The following IL1RAPL2 variants were observed in gnomAD, a reference collection of about 807,000 sequenced individuals.
IL1RAPL2 encodes interleukin 1 receptor accessory protein like 2, also known as X-linked interleukin-1 receptor accessory protein-like 2.
IL1RAPL2 carries 3 observed loss-of-function variants against 44.1 expected under a neutral mutation model. The observed-to-expected ratio is 0.07, with a 90% CI of 0.03 to 0.18. The LOEUF (loss-of-function observed/expected upper bound fraction) is 0.18, where lower values mean the gene tolerates loss of function less well. IL1RAPL2 is among the 10% of genes least tolerant of loss of function. IL1RAPL2 has a pLI of 1.00. For missense variants in IL1RAPL2, 391 were observed against 496.4 expected, an observed-to-expected ratio of 0.79 and a Z score of 2.02; for synonymous variants, 181 against 178.8, an observed-to-expected ratio of 1.01 and a Z score of -0.10.
rs757471550 is a variant in IL1RAPL2, at chrX:104,918,709, ATAAAAT to A, written c.82+259718_82+259723del. Among the ~76,000 whole-genome samples, 11 of 112,246 alleles carry A rather than the reference ATAAAAT, an allele frequency of 9.8e-5. 1 individual carries two copies. The South Asian group carries it at 3.7e-3, about 38-fold the overall frequency. On this transcript the variant is annotated intron_variant, in intron 2 of 10. Transcript: ENST00000372582. ...TCTGACTAGTAATTCTCAATATGAA[ATAAAAT>A]TAATAGAGGACAAAATGGAGTAAAA...
intron 6 of IL1RAPL2, among the ~76,000 whole-genome samples, chrX:105,533,767 A>T (rs1161078635): frequency 8.9e-6 from 1 of 112,199 alleles, no homozygotes; most frequent in Non-Finnish European, 1.9e-5. Context: ...AAATTGTTGC[A>T]TATATTAATA....
chrX:105,503,056 G>T (rs2036406991), intron 6 of IL1RAPL2, among the ~76,000 whole-genome samples: 1 of 110,228 alleles, frequency 9.1e-6, no homozygotes, highest in African/African-American at 3.3e-5. Flanking sequence ...CATTTTTCTT[G>T]GAATTTTGCA....
At chrX:104,940,715 A>G (rs1328392231) in intron 2 of IL1RAPL2, among the ~76,000 whole-genome samples, 5 of 106,946 alleles carry the variant, frequency 4.7e-5, no homozygotes, top group Non-Finnish European at 9.6e-5. Context: ...TTTTTTTTAC[A>G]TTGATTTTTT....
At chrX:105,465,433 T>A (rs2036121169) in intron 5 of IL1RAPL2, among the ~76,000 whole-genome samples, 1 of 112,214 alleles carries the variant, frequency 8.9e-6, no homozygotes, top group Non-Finnish European at 1.9e-5. Flanking sequence ...ATTTTAGATT[T>A]TGAGAGCCAG....
chrX:105,550,977 A>G (rs2036848610), intron 6 of IL1RAPL2, among the ~76,000 whole-genome samples: 1 of 111,763 alleles, frequency 8.9e-6, no homozygotes, highest in South Asian at 3.7e-4. Flanking sequence ...ATACATACAT[A>G]CATATGTGAC....
rs1437989025 is a variant in IL1RAPL2, at chrX:105,290,465, G to A, written c.697+22924G>A. Among the ~76,000 whole-genome samples the A allele has an allele frequency of 2.7e-5, 3 of 111,321 alleles. No individual in the cohort carries two copies. The East Asian group carries it at 8.5e-4, about 32-fold the overall frequency. Reference sequence around the variant, plus strand: ...GAGTAAAGGTCCACTAAACAAAAGTGCAACTTATCCAGAAATACTCACAGA... The same window carrying A: ...GAGTAAAGGTCCACTAAACAAAAGTACAACTTATCCAGAAATACTCACAGA... On this transcript the variant is annotated intron_variant, in intron 5 of 10. Coordinates refer to ENST00000372582, the MANE Select transcript of IL1RAPL2 (RefSeq NM_017416.2).
chrX:104,633,009 C>T (rs1466028190), intron 1 of IL1RAPL2, among the ~76,000 whole-genome samples: 3 of 111,197 alleles, frequency 2.7e-5, no homozygotes, highest in African/African-American at 6.5e-5. Flanking sequence ...TTTTGAGATA[C>T]GTCCCATCAA....
At chrX:105,396,685 G>A (rs1171436053) in intron 5 of IL1RAPL2, among the ~76,000 whole-genome samples, 1 of 107,191 alleles carries the variant, frequency 9.3e-6, no homozygotes, top group East Asian at 3.0e-4. Flanking sequence ...ATACTTAAGG[G>A]AGGTCTCCAG....
At chrX:105,220,058 GCTT>G in intron 3 of IL1RAPL2, 1 of 1,211,666 alleles carries the variant, frequency 8.3e-7, no homozygotes, top group Non-Finnish European at 1.1e-6. Flanking sequence ...TGCTCCCTGA[GCTT>G]CTTCAGGTCT....
Position 105,318,770 on chromosome X carries a change from C to T in IL1RAPL2, c.697+51229C>T, listed in dbSNP as rs6652918. ...TGAATAAGCAAATTTCTGCCTGTCT[C>T]AGGTACTCTCACTATTGTTATCCAT... is the stretch of plus-strand genomic sequence containing the variant. On this transcript the variant is annotated intron_variant, in intron 5 of 10. Coordinates refer to ENST00000372582, the MANE Select transcript of IL1RAPL2 (RefSeq NM_017416.2). 4.5e-3 allele frequency among the ~76,000 whole-genome samples: 502 copies of T among 111,264 alleles called. 6 individuals carry two copies. Among genetic ancestry groups the T allele is most frequent in the African/African-American group, 0.016 (475 of 30,571 alleles).
intron 6 of IL1RAPL2, among the ~76,000 whole-genome samples, chrX:105,531,832 G>C (rs1397722663): frequency 8.9e-6 from 1 of 111,763 alleles, no homozygotes; most frequent in Non-Finnish European, 1.9e-5. Flanking sequence ...CCCAGTGTTT[G>C]TTCTTGGCAT....
At chrX:104,683,777 A>C (rs1365769300) in intron 2 of IL1RAPL2, among the ~76,000 whole-genome samples, 2 of 112,183 alleles carry the variant, frequency 1.8e-5, no homozygotes, top group Non-Finnish European at 3.8e-5. Flanking sequence ...CAGTAGCTTT[A>C]GATTAAAGAT....
At chrX:105,011,999 T>C (rs2031056721) in intron 2 of IL1RAPL2, among the ~76,000 whole-genome samples, 1 of 111,460 alleles carries the variant, frequency 9.0e-6, no homozygotes, top group Admixed American at 9.5e-5. Flanking sequence ...TTAAAAAAAT[T>C]AAAAGATTCC....
intron 2 of IL1RAPL2, among the ~76,000 whole-genome samples, chrX:104,901,663 T>C (rs1447200915): frequency 4.5e-5 from 5 of 111,340 alleles, no homozygotes; most frequent in African/African-American, 1.3e-4. Flanking sequence ...GAATCCCATA[T>C]GGAAGAAACA....
At chrX:105,236,418 C>T (rs531819159) in intron 4 of IL1RAPL2, among the ~76,000 whole-genome samples, 1 of 112,241 alleles carries the variant, frequency 8.9e-6, no homozygotes, top group East Asian at 2.8e-4. Context: ...GCTAACATTT[C>T]CTAAGTACTT....
At chrX:104,920,987 G>A (rs1384324766) in intron 2 of IL1RAPL2, among the ~76,000 whole-genome samples, 2 of 110,938 alleles carry the variant, frequency 1.8e-5, no homozygotes, top group African/African-American at 6.6e-5. Context: ...TTGGTATTGT[G>A]AGATACCAGG....
intron 1 of IL1RAPL2, among the ~76,000 whole-genome samples, chrX:104,655,174 C>T (rs1051691912): frequency 9.0e-6 from 1 of 111,431 alleles, no homozygotes; most frequent in African/African-American, 3.3e-5. Context: ...TTTCTTTCTC[C>T]TGCCTGATTG....
rs150051353 is a variant in IL1RAPL2, at chrX:105,762,256, G to T, written c.1364-4708G>T. Among the ~76,000 whole-genome samples, 501 of 111,639 alleles carry T rather than the reference G, an allele frequency of 4.5e-3. 2 individuals carry two copies. The highest frequency in any genetic ancestry group is 0.016 in the African/African-American group (477 of 30,726). On this transcript the variant is annotated intron_variant, in intron 10 of 10. Transcript: ENST00000372582. ...TTGTTTTATACAATGGCCCTTGAAA[G>T]ATATTTTAAAATTGAATTTGCTTTG...
At chrX:104,672,866 C>G (rs749267196) in intron 2 of IL1RAPL2, among the ~76,000 whole-genome samples, 1 of 110,490 alleles carries the variant, frequency 9.1e-6, no homozygotes, top group East Asian at 2.8e-4. Context: ...AGCATTTTTT[C>G]ATGTGTCTTT....
Sources: allele counts gnomAD v4.1 joint callset (sites outside exome capture counted in the v4.1 genomes callset), GRCh38; gene constraint gnomAD v4.1.1; transcripts MANE v1.5; gene names NCBI Gene and HGNC (gene_info 2026-07-23, HGNC 2026-07-21).